ZSCAN5A: variants seen among roughly 807,000 people sequenced by gnomAD.
ZSCAN5A encodes the protein zinc finger and SCAN domain containing 5A, also known as zinc finger and SCAN domain-containing protein 5A.
ZSCAN5A carries 12 observed loss-of-function variants against 23.7 expected under a neutral mutation model. The ratio of observed to expected loss-of-function variants is 0.51; its 90% CI spans 0.32 to 0.82. The LOEUF (loss-of-function observed/expected upper bound fraction) is 0.82. ZSCAN5A is among the 40% of genes least tolerant of loss of function. ZSCAN5A has a pLI of 0.03. For synonymous variants in ZSCAN5A, 257 were observed against 239.9 expected (o/e 1.07, Z -0.66); for missense variants, 597 against 617.9 (o/e 0.97, Z 0.36).
intron 2 of ZSCAN5A, among the ~76,000 whole-genome samples, chr19:56,289,649 T>G (rs1043196610): frequency 2.0e-5 from 3 of 152,182 alleles, no homozygotes; most frequent in East Asian, 1.9e-4. Flanking sequence ...GTTCTCACTT[T>G]GTTGCCCAGG....
At position 56,222,278 on chromosome 19, in the gene ZSCAN5A, G is replaced by C. The variant is rs1216130869; in HGVS notation, c.788C>G (p.Ser263Cys). Residue 263 changes from serine (S) to cysteine (C), a missense_variant, in exon 6 of 6, where the codon TCT becomes TGT. Physicochemically the swap from Ser to Cys is moderately radical, Grantham distance 112. Coordinates refer to ENST00000683990, the MANE Select transcript of ZSCAN5A (RefSeq NM_001322064.3). ...TGTGTCAGCATCCACATTTTCCACA[G>C]AGGCTATTTTTGGGGGGTCCTTCCC... ...KEGKDPPKIA[S>C]VENVDADTPS... The C allele has an allele frequency of 1.2e-6, 2 of 1,613,360 alleles. No homozygotes were observed. Among genetic ancestry groups the C allele is most frequent in the Admixed American group, 1.7e-5 (1 of 59,994 alleles).
chr19:56,234,570 T>C (rs2034724542), intron 2 of ZSCAN5A, among the ~76,000 whole-genome samples: 1 of 151,630 alleles, frequency 6.6e-6, no homozygotes, highest in Non-Finnish European at 1.5e-5. Context: ...GGCCTGGGCC[T>C]GCCTGGCCTA....
At chr19:56,251,685 G>A (rs2036355610) in intron 2 of ZSCAN5A, among the ~76,000 whole-genome samples, 1 of 152,168 alleles carries the variant, frequency 6.6e-6, no homozygotes, top group African/African-American at 2.4e-5. Context: ...TGTGTTAAGT[G>A]AAATAAGCCA....
chr19:56,332,588 G>A (rs925914495), intron 2 of ZSCAN5A, among the ~76,000 whole-genome samples: 2 of 152,158 alleles, frequency 1.3e-5, no homozygotes, highest in South Asian at 4.1e-4. Flanking sequence ...GCAGACAAAT[G>A]AGTCTTTCTT....
At chr19:56,228,877 T>A (rs1760334781) in intron 2 of ZSCAN5A, among the ~76,000 whole-genome samples, 1 of 152,156 alleles carries the variant, frequency 6.6e-6, no homozygotes. Context: ...ACTAAATCAG[T>A]GGTTTGATAT....
At chr19:56,353,497 C>T (rs138305035) in intron 2 of ZSCAN5A, among the ~76,000 whole-genome samples, 127 of 152,162 alleles carry the variant, frequency 8.3e-4, no homozygotes, top group Admixed American at 3.7e-3. Context: ...AGGCCGGGCG[C>T]GGTGGCTCAC....
intron 3 of ZSCAN5A, chr19:56,224,312 T>C (rs955222113): frequency 1.4e-5 from 4 of 292,526 alleles, no homozygotes; most frequent in African/African-American, 6.5e-5. Context: ...ATTTCACCAA[T>C]GTCTTTCTTT....
intron 2 of ZSCAN5A, among the ~76,000 whole-genome samples, chr19:56,261,490 T>C (rs1201806423): frequency 6.6e-6 from 1 of 152,162 alleles, no homozygotes; most frequent in African/African-American, 2.4e-5. Flanking sequence ...CCTAATTTTC[T>C]TTAGAGAGAA....
intron 1 of ZSCAN5A, among the ~76,000 whole-genome samples, chr19:56,366,570 A>G (rs1442369255): frequency 2.0e-5 from 3 of 152,302 alleles, no homozygotes; most frequent in Non-Finnish European, 4.4e-5. Context: ...GCCTTAACCA[A>G]TCAGAAACCA....
At chr19:56,253,916 T>G (rs1053661424) in intron 2 of ZSCAN5A, among the ~76,000 whole-genome samples, 1 of 152,224 alleles carries the variant, frequency 6.6e-6, no homozygotes, top group African/African-American at 2.4e-5. Flanking sequence ...TGTATAGTTA[T>G]GACAGATGTC....
chr19:56,255,084 G>A (rs2036606343), intron 2 of ZSCAN5A, among the ~76,000 whole-genome samples: 1 of 151,454 alleles, frequency 6.6e-6, no homozygotes, highest in Non-Finnish European at 1.5e-5. Flanking sequence ...ATTTTATTTA[G>A]GAATAAGTGA....
At chr19:56,290,956 C>T (rs1367817950) in intron 2 of ZSCAN5A, among the ~76,000 whole-genome samples, 2 of 152,114 alleles carry the variant, frequency 1.3e-5, no homozygotes, top group Non-Finnish European at 2.9e-5. Context: ...CAATGTAGAA[C>T]ACAAGTTGAG....
chr19:56,312,395 A>G (rs1025197295), intron 2 of ZSCAN5A: 1 of 152,214 alleles, frequency 6.6e-6, no homozygotes, highest in Non-Finnish European at 1.5e-5. Flanking sequence ...AGCATCATAC[A>G]ATTCCAAATG....
chr19:56,228,365 T>C, intron 2 of ZSCAN5A: 1 of 985,360 alleles, frequency 1.0e-6, no homozygotes, highest in Non-Finnish European at 1.2e-6. Context: ...GCGTTTCCGG[T>C]TCCCTGCGCC....
At chr19:56,343,234 A>T in intron 2 of ZSCAN5A, 1 of 819,844 alleles carries the variant, frequency 1.2e-6, no homozygotes, top group Admixed American at 2.0e-5. Flanking sequence ...CTTTCTGGTG[A>T]TGTCCTTGGC....
intron 2 of ZSCAN5A, among the ~76,000 whole-genome samples, chr19:56,308,633 C>T (rs532538109): frequency 6.7e-6 from 1 of 149,930 alleles, no homozygotes; most frequent in Non-Finnish European, 1.5e-5. Context: ...CATATTAAAT[C>T]ATTTCTGATT....
At chr19:56,229,978 T>C (rs567273650) in intron 2 of ZSCAN5A, among the ~76,000 whole-genome samples, 14 of 152,308 alleles carry the variant, frequency 9.2e-5, no homozygotes, top group African/African-American at 3.1e-4. Context: ...TCTGTTTTAC[T>C]GGTGGAGGTT....
At chr19:56,361,444 C>T (rs555453189) in intron 2 of ZSCAN5A, among the ~76,000 whole-genome samples, 4 of 152,186 alleles carry the variant, frequency 2.6e-5, no homozygotes, top group South Asian at 2.1e-4. Context: ...TGCAAAGACA[C>T]GAAATCAACC....
chr19:56,312,879 G>C (rs1011307066), intron 2 of ZSCAN5A, among the ~76,000 whole-genome samples: 1 of 152,228 alleles, frequency 6.6e-6, no homozygotes, highest in Non-Finnish European at 1.5e-5. Flanking sequence ...CAGTCATCGT[G>C]GGAATTAAAG....
Sources: gnomAD v4.1 joint callset for allele counts (sites outside exome capture counted in the v4.1 genomes callset) on GRCh38, gnomAD v4.1.1 for gene constraint, MANE v1.5 for transcripts, NCBI Gene and HGNC (gene_info 2026-07-23, HGNC 2026-07-21) for gene names.